Variants in PSEN1 observed in about 807,000 individuals in gnomAD.
PSEN1 encodes presenilin-1.
In PSEN1, 15 loss-of-function variants were observed where a neutral mutation model predicts 53.5. The ratio of observed to expected loss-of-function variants is 0.28; its 90% confidence interval spans 0.19 to 0.43. PSEN1 has a LOEUF of 0.43. Ranked by LOEUF, PSEN1 falls within the 20% of genes least tolerant of loss-of-function variation. The probability of loss-of-function intolerance (pLI) is 1.00; values close to 1 mark genes in which losing one functional copy is unlikely to be tolerated. For synonymous variants in PSEN1, 208 were observed against 209.8 expected, an observed-to-expected ratio of 0.99 and a Z score of 0.08; for missense variants, 387 against 571.2, an observed-to-expected ratio of 0.68 and a Z score of 3.29.
At chr14:73,177,609 A>C (rs1362104054) in intron 5 of PSEN1, among the ~76,000 whole-genome samples, 2 of 152,098 alleles carry the variant, frequency 1.3e-5, no homozygotes, top group Admixed American at 6.5e-5. Flanking sequence ...AGGATGTTTT[A>C]ATTTTACCTT....
chr14:73,214,310 C>T (rs1341206333), intron 10 of PSEN1, among the ~76,000 whole-genome samples: 1 of 152,122 alleles, frequency 6.6e-6, no homozygotes, highest in Non-Finnish European at 1.5e-5. Flanking sequence ...GCAGGCGGAC[C>T]ACCTGAGATC....
chr14:73,218,669 A>G (rs1396428819), intron 11 of PSEN1, among the ~76,000 whole-genome samples: 1 of 150,840 alleles, frequency 6.6e-6, no homozygotes, highest in Non-Finnish European at 1.5e-5. Flanking sequence ...GCTCCCGCAC[A>G]GCATAGAGAA....
rs1333398647 is a variant in PSEN1, at chr14:73,222,160, T to G, written c.*2871T>G. 1 of 152,206 alleles carries G rather than the reference T, an allele frequency of 6.6e-6. No individual in the cohort carries two copies. The highest frequency in any genetic ancestry group is 1.5e-5 in the Non-Finnish European group (1 of 68,040). 9.4% of individuals were successfully genotyped at this position (152,206 alleles called of 1,614,324 possible). A position where few individuals can be genotyped will look rare whatever the true frequency, so the allele number is the denominator to read the frequency against. Reference sequence around the variant, plus strand: ...GTGTGTGTTCCTAGAATCACAGCTCTGACTCCAAATGACTCAATTTCTCAA... The same window carrying G: ...GTGTGTGTTCCTAGAATCACAGCTCGGACTCCAAATGACTCAATTTCTCAA... On this transcript the variant is annotated 3_prime_UTR_variant, in exon 12 of 12. Coordinates refer to ENST00000324501, the MANE Select transcript of PSEN1 (RefSeq NM_000021.4).
At chr14:73,179,874 A>G (rs1213971998) in intron 5 of PSEN1, among the ~76,000 whole-genome samples, 2 of 152,216 alleles carry the variant, frequency 1.3e-5, no homozygotes, top group Non-Finnish European at 2.9e-5. Context: ...CAGGTTTTGT[A>G]ACTGTATTCA....
intron 3 of PSEN1, among the ~76,000 whole-genome samples, chr14:73,169,717 C>T (rs1394975312): frequency 6.6e-6 from 1 of 151,596 alleles, no homozygotes; most frequent in African/African-American, 2.4e-5. Flanking sequence ...ACGATCTCTG[C>T]TCACTGCAGC....
chr14:73,199,777 G>A lies in PSEN1; in HGVS notation c.868+1648G>A, dbSNP rs374039699. ...TGTTTTGTTTTGGAGACTGAGTCTC[G>A]CTCTGTCATGCAGGCTGGAGTGCAG... On this transcript the variant is annotated intron_variant, in intron 8 of 11. Transcript: ENST00000324501. Among the ~76,000 whole-genome samples, 121 of 152,210 alleles carry A rather than the reference G, an allele frequency of 7.9e-4. 1 individual carries two copies. In the South Asian group the frequency reaches 0.024, roughly 30 times the overall value.
Position 73,198,062 on chromosome 14 carries a change from A to C in PSEN1, c.801A>C (p.Pro267=). 6.2e-7 allele frequency: 1 copy of C among 1,612,380 alleles called. No individual in the cohort carries two copies. The highest frequency in any genetic ancestry group is 1.7e-4 in the Middle Eastern group (1 of 6,060). ...TGGCTGTTTTGTGTCCGAAAGGTCC[A>C]CTTCGTATGCTGGTTGAAACAGCTC... is the stretch of plus-strand genomic sequence containing the variant. ...DLVAVLCPKG[P]LRMLVETAQE... Residue 267 remains proline, a synonymous_variant, in exon 8 of 12, where the codon CCA becomes CCC. Coordinates refer to ENST00000324501, the MANE Select transcript of PSEN1 (RefSeq NM_000021.4).
chr14:73,166,032 A>C (rs1225258068), intron 3 of PSEN1, among the ~76,000 whole-genome samples: 1 of 151,188 alleles, frequency 6.6e-6, no homozygotes, highest in East Asian at 1.9e-4. Context: ...AGGCGACAGA[A>C]TGAGACTCTG....
At chr14:73,167,287 T>C (rs1033621002) in intron 3 of PSEN1, among the ~76,000 whole-genome samples, 2 of 152,206 alleles carry the variant, frequency 1.3e-5, no homozygotes, top group African/African-American at 4.8e-5. Flanking sequence ...TTTGAAAGTC[T>C]GAAATTCAAA....
chr14:73,173,740 C>T (rs771041272), intron 5 of PSEN1, 33 bp downstream of exon 5: 1 of 1,610,860 alleles, frequency 6.2e-7, no homozygotes, highest in South Asian at 1.1e-5. Context: ...TGCTTTCCAC[C>T]CTGTTCTTCT....
intron 3 of PSEN1, among the ~76,000 whole-genome samples, chr14:73,156,950 C>A (rs1897375244): frequency 6.6e-6 from 1 of 152,078 alleles, no homozygotes; most frequent in African/African-American, 2.4e-5. Flanking sequence ...GCATGAGCCA[C>A]CACGCCTGGC....
chr14:73,140,202 C>CTTTTTTTTTTTTT (rs35223948), intron 1 of PSEN1, among the ~76,000 whole-genome samples: 3 of 73,040 alleles, frequency 4.1e-5, no homozygotes, highest in Non-Finnish European at 5.0e-5. Context: ...TTTTGCTATT[C>CTTTTTTTTTTTTT]TTTTTTTTTT....
chr14:73,203,829 A>T (rs1456049044), intron 8 of PSEN1, among the ~76,000 whole-genome samples: 1 of 152,126 alleles, frequency 6.6e-6, no homozygotes. Flanking sequence ...TTTTGATTTC[A>T]TATCAGTTGG....
At chr14:73,193,551 A>G (rs1898812972) in intron 7 of PSEN1, among the ~76,000 whole-genome samples, 2 of 26,602 alleles carry the variant, frequency 7.5e-5, no homozygotes. Context: ...CTCTGTCTCA[A>G]AAAAAAAAAA....
intron 8 of PSEN1, among the ~76,000 whole-genome samples, chr14:73,205,352 G>A (rs369279041): frequency 3.3e-5 from 5 of 151,836 alleles, no homozygotes; most frequent in South Asian, 4.2e-4. Flanking sequence ...GGTGGCGGGC[G>A]CCTGTAGTCC....
chr14:73,155,784 A>G (rs1452267372), intron 3 of PSEN1, among the ~76,000 whole-genome samples: 2 of 152,118 alleles, frequency 1.3e-5, no homozygotes, highest in African/African-American at 4.8e-5. Context: ...CTCCTGAAGC[A>G]TACAGATTTT....
At chr14:73,190,472 C>A (rs7152131) in intron 6 of PSEN1, among the ~76,000 whole-genome samples, 8,413 of 146,158 alleles carry the variant, frequency 0.058, 297 homozygotes, top group East Asian at 0.19. Flanking sequence ...GACAGTCAGA[C>A]CTTGTCTCTA....
intron 8 of PSEN1, among the ~76,000 whole-genome samples, chr14:73,204,418 A>G (rs1298673146): frequency 6.6e-6 from 1 of 151,820 alleles, no homozygotes; most frequent in Non-Finnish European, 1.5e-5. Flanking sequence ...TATTTAACAA[A>G]TATACTATTT....
At chr14:73,177,579 TTTTAA>T (rs1267114867) in intron 5 of PSEN1, among the ~76,000 whole-genome samples, 8 of 152,196 alleles carry the variant, frequency 5.3e-5, no homozygotes, top group Admixed American at 3.3e-4. Flanking sequence ...CCTCAATTTG[TTTTAA>T]TTTTTCTTCC....
Sources: allele counts gnomAD v4.1 joint callset (sites outside exome capture counted in the v4.1 genomes callset), GRCh38; gene constraint gnomAD v4.1.1; transcripts MANE v1.5; gene names NCBI Gene and HGNC (gene_info 2026-07-23, HGNC 2026-07-21).